The following ZBBX variants were observed in gnomAD, a reference collection of about 807,000 sequenced individuals.
The protein encoded by ZBBX is zinc finger B-box domain containing.
A neutral mutation model predicts 108.5 loss-of-function variants in ZBBX; 101 were observed. The observed-to-expected ratio is 0.93, with a 90% CI of 0.79 to 1.10. ZBBX has a LOEUF of 1.10. ZBBX is among the 50% of genes least tolerant of loss of function. The pLI, the probability that ZBBX is intolerant of heterozygous loss-of-function variation, is 0.00. For synonymous variants in ZBBX, 356 were observed against 323.4 expected, an observed-to-expected ratio of 1.10 and a Z score of -1.08; for missense variants, 1,009 against 941.4, an observed-to-expected ratio of 1.07 and a Z score of -0.94.
intron 5 of ZBBX, 78 bp downstream of exon 5, chr3:167,368,383 G>A (rs1706053342): frequency 2.0e-6 from 2 of 1,020,102 alleles, no homozygotes; most frequent in Non-Finnish European, 2.9e-6. Context: ...TGTTTTTATT[G>A]GAATGACAAC....
the ZBBX span, among the ~76,000 whole-genome samples, chr3:167,193,258 G>A: frequency 6.6e-6 from 1 of 152,124 alleles, no homozygotes; most frequent in African/African-American, 2.4e-5. Context: ...AGTATCACAT[G>A]TCCTGAATGG....
At chr3:167,336,559 T>G (rs1739584836) in intron 9 of ZBBX, among the ~76,000 whole-genome samples, 1 of 152,146 alleles carries the variant, frequency 6.6e-6, no homozygotes, top group African/African-American at 2.4e-5. Context: ...TCAGAAAGCT[T>G]AGGCCAAAGT....
intron 5 of ZBBX, 54 bp from the exon 6 acceptor site, chr3:167,366,030 T>A: frequency 7.3e-7 from 1 of 1,364,370 alleles, no homozygotes; most frequent in Non-Finnish European, 1.0e-6. Flanking sequence ...TTTCTCCCTT[T>A]AATGAAAAGA....
At chr3:167,382,463 A>G (rs1747785984), upstream of ZBBX, among the ~76,000 whole-genome samples, 1 of 152,088 alleles carries the variant, frequency 6.6e-6, no homozygotes, top group Non-Finnish European at 1.5e-5. Context: ...GTTTTTCCAA[A>G]CTCATGCTTC....
At chr3:167,299,390 C>T (rs536989180) in intron 17 of ZBBX, among the ~76,000 whole-genome samples, 1 of 152,052 alleles carries the variant, frequency 6.6e-6, no homozygotes, top group African/African-American at 2.4e-5. Context: ...ATTCTCAGCA[C>T]ATATCCCCTG....
chr3:167,286,061 G>T (rs965813982), intron 19 of ZBBX, among the ~76,000 whole-genome samples: 12 of 152,152 alleles, frequency 7.9e-5, no homozygotes, highest in African/African-American at 2.7e-4. Context: ...CACTAGATAG[G>T]GTGGTGCCAG....
intron 1 of ZBBX, among the ~76,000 whole-genome samples, chr3:167,389,748 C>G (rs1345474133): frequency 6.6e-6 from 1 of 151,960 alleles, no homozygotes; most frequent in Non-Finnish European, 1.5e-5. Context: ...AGCTTATTTT[C>G]ATGTTTTTGG....
chr3:167,313,394 G>A (rs1449716556), intron 16 of ZBBX, among the ~76,000 whole-genome samples: 1 of 152,064 alleles, frequency 6.6e-6, no homozygotes, highest in African/African-American at 2.4e-5. Context: ...TCCTGCCTCA[G>A]CCTTCTGAGT....
chr3:167,256,303 T>G (rs1243350382), intron 20 of ZBBX, among the ~76,000 whole-genome samples: 1 of 152,114 alleles, frequency 6.6e-6, no homozygotes, highest in Non-Finnish European at 1.5e-5. Context: ...TATGGGTTTC[T>G]TTTTTTACTT....
the ZBBX span, among the ~76,000 whole-genome samples, chr3:167,211,273 G>A: frequency 1.7e-3 from 261 of 152,236 alleles, 8 homozygotes; most frequent in Non-Finnish European, 4.0e-4. Flanking sequence ...GAACCCACTC[G>A]CTAGGGCCTT....
At chr3:167,325,234 C>A (rs1577002891) in intron 11 of ZBBX, among the ~76,000 whole-genome samples, 1 of 151,980 alleles carries the variant, frequency 6.6e-6, no homozygotes, top group Admixed American at 6.6e-5. Context: ...GAAGACATAC[C>A]CGAGACTGGG....
At chr3:167,350,345 A>G in intron 9 of ZBBX, 75 bp downstream of exon 9, 1 of 1,169,338 alleles carries the variant, frequency 8.6e-7, no homozygotes, top group Non-Finnish European at 1.2e-6. Context: ...CTAGATAACT[A>G]AAGACATTTT....
At chr3:167,182,382 C>T in the ZBBX span, among the ~76,000 whole-genome samples, 1 of 152,220 alleles carries the variant, frequency 6.6e-6, no homozygotes, top group African/African-American at 2.4e-5. Context: ...ATATCCCGAG[C>T]AGCCAAATCT....
intron 1 of ZBBX, among the ~76,000 whole-genome samples, chr3:167,407,244 G>A (rs1432715905): frequency 1.3e-5 from 2 of 152,152 alleles, no homozygotes; most frequent in African/African-American, 4.8e-5. Context: ...AAATTAAACA[G>A]CATAAAATAT....
rs1720525613 is a variant in ZBBX, at chr3:167,240,779, T to C, written c.*14A>G. On this transcript the variant is annotated 3_prime_UTR_variant, in exon 22 of 22. Transcript: ENST00000675490. ...TCTGGGTACAAAATGGAAACAGTAA[T>C]GAACAAATAATCTTTAAGTACTCTT... The C allele has an allele frequency of 6.2e-7, 1 of 1,610,632 alleles. No homozygotes were observed.
intron 20 of ZBBX, among the ~76,000 whole-genome samples, chr3:167,260,238 GGTGCTTCTGTCTTACA>G (rs1724243308): frequency 6.6e-6 from 1 of 152,124 alleles, no homozygotes; most frequent in Non-Finnish European, 1.5e-5. Flanking sequence ...TAGGTTACCT[GGTGCTTCTGTCTTACA>G]GCTCTTAAGA....
intron 16 of ZBBX, among the ~76,000 whole-genome samples, 198 bp from the exon 17 acceptor site, chr3:167,306,148 ACCAAAC>A (rs1733605526): frequency 6.6e-6 from 1 of 152,160 alleles, no homozygotes; most frequent in African/African-American, 2.4e-5. Context: ...CACTTATAGA[ACCAAAC>A]ATTAATGAGC....
chr3:167,259,186 T>A, intron 20 of ZBBX, among the ~76,000 whole-genome samples: 1 of 152,206 alleles, frequency 6.6e-6, no homozygotes, highest in African/African-American at 2.4e-5. Context: ...TAATTCTTCC[T>A]GATTTAAGCT....
At chr3:167,375,617 T>C (rs1746837901) in intron 2 of ZBBX, among the ~76,000 whole-genome samples, 1 of 151,834 alleles carries the variant, frequency 6.6e-6, no homozygotes, top group Admixed American at 6.6e-5. Context: ...AAGAATCCAT[T>C]ATACACCAAC....
Sources: gnomAD v4.1 joint callset for allele counts (sites outside exome capture counted in the v4.1 genomes callset) on GRCh38, gnomAD v4.1.1 for gene constraint, MANE v1.5 for transcripts, NCBI Gene and HGNC (gene_info 2026-07-23, HGNC 2026-07-21) for gene names.